Variants in SPMIP8 observed in about 807,000 individuals in gnomAD.
SPMIP8 encodes sperm microtubule inner protein 8, also known as testicular tissue protein Li 196.
chr16:57,982,922 C>T, the SPMIP8 span, among the ~76,000 whole-genome samples: 2,081 of 152,128 alleles, frequency 0.014, 52 homozygotes, highest in African/African-American at 0.048. Flanking sequence ...CCCAGCTACT[C>T]GGGAGGCTGA....
At chr16:57,985,165 G>A in the SPMIP8 span, 72 of 1,434,614 alleles carry the variant, frequency 5.0e-5, no homozygotes, top group Admixed American at 1.4e-4. Context: ...TTGTCCTGGG[G>A]GGGGGCGGAT....
the SPMIP8 span, chr16:57,984,382 T>G: frequency 1.2e-6 from 2 of 1,614,160 alleles, no homozygotes. Flanking sequence ...TCCTTTGCCC[T>G]GCCCTTGGGT....
chr16:57,979,102 A>G, the SPMIP8 span, among the ~76,000 whole-genome samples: 1 of 152,220 alleles, frequency 6.6e-6, no homozygotes, highest in Non-Finnish European at 1.5e-5. Context: ...CCACGGGCCT[A>G]GTGAATAACC....
At chr16:57,977,871 G>A in the SPMIP8 span, 2 of 1,614,144 alleles carry the variant, frequency 1.2e-6, no homozygotes, top group Non-Finnish European at 1.7e-6. Flanking sequence ...ACATGTGTAT[G>A]CCTCCCCGGC....
At chr16:57,980,940 T>C in the SPMIP8 span, among the ~76,000 whole-genome samples, 1 of 152,134 alleles carries the variant, frequency 6.6e-6, no homozygotes, top group African/African-American at 2.4e-5. Flanking sequence ...GTCTCCAACT[T>C]CTGGGCTCAA....
the SPMIP8 span, among the ~76,000 whole-genome samples, chr16:57,977,560 A>AGTGTGT: frequency 0.3 from 39,819 of 132,284 alleles, 6,589 homozygotes; most frequent in Middle Eastern, 0.37. Context: ...GCACAATGTG[A>AGTGTGT]GTGTGTGTGT....
the SPMIP8 span, among the ~76,000 whole-genome samples, chr16:57,977,529 C>T: frequency 1.3e-5 from 2 of 151,080 alleles, no homozygotes; most frequent in Admixed American, 1.3e-4. Flanking sequence ...ACACTCTGTA[C>T]TGACCTCCCT....
the SPMIP8 span, chr16:57,987,268 C>T: frequency 3.3e-6 from 3 of 906,940 alleles, no homozygotes; most frequent in Non-Finnish European, 4.6e-6. Flanking sequence ...AACAGGGAGC[C>T]ACTGAAGTCT....
At chr16:57,984,325 T>G in the SPMIP8 span, 1 of 1,614,246 alleles carries the variant, frequency 6.2e-7, no homozygotes, top group Non-Finnish European at 8.5e-7. Context: ...ACGCCCATTT[T>G]ACACTCCTTG....
At chr16:57,986,253 G>T in the SPMIP8 span, 2 of 335,238 alleles carry the variant, frequency 6.0e-6, no homozygotes, top group Admixed American at 9.5e-5. Flanking sequence ...GAAACACAAG[G>T]GAGAGAGCCG....
chr16:57,985,214 C>A, the SPMIP8 span: 1 of 1,540,128 alleles, frequency 6.5e-7, no homozygotes. Flanking sequence ...AGCGGAGGGT[C>A]TCAGCGGCTA....
the SPMIP8 span, chr16:57,977,869 A>G: frequency 1.2e-6 from 2 of 1,614,086 alleles, no homozygotes; most frequent in Non-Finnish European, 1.7e-6. Flanking sequence ...ACACATGTGT[A>G]TGCCTCCCCG....
At chr16:57,984,810 G>A in the SPMIP8 span, 1 of 1,604,108 alleles carries the variant, frequency 6.2e-7, no homozygotes, top group Non-Finnish European at 8.5e-7. Context: ...GAGGAAGCGA[G>A]GTCAGTCTAC....
chr16:57,984,921 C>T, the SPMIP8 span: 3 of 1,389,562 alleles, frequency 2.2e-6, no homozygotes, highest in Non-Finnish European at 2.9e-6. Flanking sequence ...AGAAACAGGG[C>T]GGGGCCGCTG....
At chr16:57,981,157 G>A in the SPMIP8 span, among the ~76,000 whole-genome samples, 5 of 151,930 alleles carry the variant, frequency 3.3e-5, no homozygotes, top group Non-Finnish European at 5.9e-5. Flanking sequence ...AAGGCAAGTG[G>A]ATCGCCTGAG....
chr16:57,980,807 A>T, the SPMIP8 span, among the ~76,000 whole-genome samples: 3 of 152,048 alleles, frequency 2.0e-5, no homozygotes, highest in Non-Finnish European at 2.9e-5. Context: ...TGATCCTGCC[A>T]CTTCAGCCTC....
the SPMIP8 span, chr16:57,987,267 C>A: frequency 1.1e-6 from 1 of 885,440 alleles, no homozygotes; most frequent in Non-Finnish European, 1.6e-6. Flanking sequence ...AAACAGGGAG[C>A]CACTGAAGTC....
chr16:57,984,228 T>C, the SPMIP8 span: 10 of 1,507,240 alleles, frequency 6.6e-6, no homozygotes, highest in Non-Finnish European at 9.2e-6. Context: ...AAGTACAGTG[T>C]GGGCCAAAGT....
At chr16:57,979,795 C>T in the SPMIP8 span, among the ~76,000 whole-genome samples, 3 of 152,154 alleles carry the variant, frequency 2.0e-5, no homozygotes, top group Non-Finnish European at 2.9e-5. Flanking sequence ...AGGCAGGGTA[C>T]GGTGGCTCAC....
Sources: allele counts gnomAD v4.1 joint callset (sites outside exome capture counted in the v4.1 genomes callset), GRCh38; gene constraint gnomAD v4.1.1; transcripts MANE v1.5; gene names NCBI Gene and HGNC (gene_info 2026-07-23, HGNC 2026-07-21).